The following GLIS3 variants were observed in gnomAD, a reference collection of about 807,000 sequenced individuals.
GLIS3 encodes zinc finger protein GLIS3.
In GLIS3, 53 loss-of-function variants were observed where a neutral mutation model predicts 78.6. That is an observed-to-expected ratio of 0.67 (90% CI 0.54 to 0.85). The LOEUF (loss-of-function observed/expected upper bound fraction) is 0.85. Ranked by LOEUF, GLIS3 falls within the 40% of genes least tolerant of loss-of-function variation. The probability of loss-of-function intolerance (pLI) is 0.00; values close to 1 mark genes in which losing one functional copy is unlikely to be tolerated. For missense variants in GLIS3, 1,703 were observed against 1,231.1 expected (o/e 1.38, Z -5.74); for synonymous variants, 684 against 509.9 (o/e 1.34, Z -4.60).
chr9:4,380,511 T>C, the GLIS3 span, among the ~76,000 whole-genome samples: 296 of 152,316 alleles, frequency 1.9e-3, 1 homozygote, highest in African/African-American at 7.0e-3. Flanking sequence ...AAGATTTCTA[T>C]CAGTACATCT....
At chr9:4,193,386 G>A (rs1181097220) in intron 2 of GLIS3, among the ~76,000 whole-genome samples, 1 of 152,214 alleles carries the variant, frequency 6.6e-6, no homozygotes. Flanking sequence ...GAGTTGGGTA[G>A]TTACAACAGA....
chr9:4,301,105 A>G (rs1312441301), upstream of GLIS3, among the ~76,000 whole-genome samples: 1 of 152,196 alleles, frequency 6.6e-6, no homozygotes, highest in Admixed American at 6.5e-5. Context: ...TCATTTATCT[A>G]ATTTCAGTGG....
At chr9:4,396,868 C>G in the GLIS3 span, among the ~76,000 whole-genome samples, 7 of 152,014 alleles carry the variant, frequency 4.6e-5, no homozygotes, top group South Asian at 2.1e-4. Context: ...CTGAGTACGT[C>G]TGAGCAAGTC....
intron 2 of GLIS3, among the ~76,000 whole-genome samples, chr9:4,341,225 ACTT>A (rs1157106994): frequency 1.3e-4 from 19 of 151,896 alleles, no homozygotes; most frequent in Non-Finnish European, 1.9e-4. Flanking sequence ...ATCTACTTCC[ACTT>A]CTTCTTCAGC....
At chr9:3,913,204 T>A (rs574334818) in intron 6 of GLIS3, among the ~76,000 whole-genome samples, 26 of 152,154 alleles carry the variant, frequency 1.7e-4, no homozygotes. Flanking sequence ...TTAAAACAGA[T>A]TGAGTGAAGA....
intron 2 of GLIS3, among the ~76,000 whole-genome samples, chr9:4,247,894 T>C (rs1823950122): frequency 6.6e-6 from 1 of 152,196 alleles, no homozygotes; most frequent in Admixed American, 6.5e-5. Flanking sequence ...TTGATACTTT[T>C]GTGGTGATAC....
At chr9:4,444,371 T>G in the GLIS3 span, among the ~76,000 whole-genome samples, 1 of 152,228 alleles carries the variant, frequency 6.6e-6, no homozygotes, top group Non-Finnish European at 1.5e-5. Flanking sequence ...TAAGTTTATG[T>G]TTTCCCCTAA....
At chr9:3,831,573 C>T (rs915897906) in intron 9 of GLIS3, among the ~76,000 whole-genome samples, 3 of 152,128 alleles carry the variant, frequency 2.0e-5, no homozygotes, top group Non-Finnish European at 4.4e-5. Context: ...GTATCTAGAA[C>T]CCTAAAAGTG....
At chr9:4,312,877 G>C (rs984439781) in intron 2 of GLIS3, among the ~76,000 whole-genome samples, 1 of 152,190 alleles carries the variant, frequency 6.6e-6, no homozygotes, top group Non-Finnish European at 1.5e-5. Context: ...GGCCAGGCAT[G>C]TTACATATAT....
chr9:4,240,603 A>G (rs1823209423), intron 2 of GLIS3, among the ~76,000 whole-genome samples: 1 of 152,200 alleles, frequency 6.6e-6, no homozygotes, highest in Non-Finnish European at 1.5e-5. Context: ...TCTTCACATA[A>G]TCAATATAAA....
At chr9:4,264,229 T>C (rs1418994116) in intron 2 of GLIS3, among the ~76,000 whole-genome samples, 2 of 152,204 alleles carry the variant, frequency 1.3e-5, no homozygotes, top group East Asian at 3.8e-4. Context: ...TTCTTCTGTT[T>C]CTTATTGCTG....
At chr9:4,080,421 C>A (rs1007726598) in intron 4 of GLIS3, among the ~76,000 whole-genome samples, 1 of 151,906 alleles carries the variant, frequency 6.6e-6, no homozygotes, top group African/African-American at 2.4e-5. Context: ...TTAAAATAAT[C>A]AACATTAGTA....
intron 2 of GLIS3, among the ~76,000 whole-genome samples, chr9:4,340,887 G>A (rs1817824598): frequency 6.6e-6 from 1 of 152,050 alleles, no homozygotes; most frequent in East Asian, 1.9e-4. Context: ...GTATAGATGG[G>A]GTTTCGCCAT....
intron 2 of GLIS3, among the ~76,000 whole-genome samples, chr9:4,241,303 G>T (rs564090359): frequency 3.9e-5 from 6 of 152,244 alleles, no homozygotes; most frequent in African/African-American, 1.2e-4. Flanking sequence ...TGCAAGACTT[G>T]TATTTTATGT....
chr9:4,302,453 G>A (rs1817113922), upstream of GLIS3, among the ~76,000 whole-genome samples: 1 of 152,188 alleles, frequency 6.6e-6, no homozygotes, highest in South Asian at 2.1e-4. Context: ...GGGACTAAAG[G>A]AATTAACACT....
intron 7 of GLIS3, among the ~76,000 whole-genome samples, chr9:3,880,448 A>G (rs1396029898): frequency 6.6e-6 from 1 of 152,260 alleles, no homozygotes; most frequent in Non-Finnish European, 1.5e-5. Flanking sequence ...CCTACTCCGT[A>G]GACATCTCAT....
At chr9:4,477,213 CA>C in the GLIS3 span, among the ~76,000 whole-genome samples, 1 of 151,970 alleles carries the variant, frequency 6.6e-6, no homozygotes, top group Non-Finnish European at 1.5e-5. Flanking sequence ...TAAATACATA[CA>C]ATGCAATCTT....
At chr9:4,290,618 T>A (rs913144287) in intron 1 of GLIS3, among the ~76,000 whole-genome samples, 1 of 152,138 alleles carries the variant, frequency 6.6e-6, no homozygotes, top group Admixed American at 6.5e-5. Context: ...CAAGGACAGA[T>A]AGAGCTGAAT....
chr9:3,879,283 G>A (rs1489548346), intron 8 of GLIS3, 144 bp downstream of exon 8: 14 of 774,240 alleles, frequency 1.8e-5, no homozygotes, highest in Non-Finnish European at 2.5e-5. Context: ...CACGTGCTTT[G>A]TGTATGTACT....
Sources: gnomAD v4.1 joint callset for allele counts (sites outside exome capture counted in the v4.1 genomes callset) on GRCh38, gnomAD v4.1.1 for gene constraint, MANE v1.5 for transcripts, NCBI Gene and HGNC (gene_info 2026-07-23, HGNC 2026-07-21) for gene names.